GPC6: variants seen among roughly 807,000 people sequenced by gnomAD.
GPC6 encodes the protein glypican 6.
A neutral mutation model predicts 55.2 loss-of-function variants in GPC6; 14 were observed. That is an observed-to-expected ratio of 0.25 (90% confidence interval 0.17 to 0.40). GPC6 has a LOEUF of 0.40. Ranked by LOEUF, GPC6 falls within the 10% of genes least tolerant of loss-of-function variation. The pLI, the probability that GPC6 is intolerant of heterozygous loss-of-function variation, is 1.00. For missense variants in GPC6, 641 were observed against 708.5 expected (o/e 0.90, Z 1.08); for synonymous variants, 278 against 259.6 (o/e 1.07, Z -0.68).
intron 1 of GPC6, among the ~76,000 whole-genome samples, chr13:93,469,596 AATT>A (rs1181396490): frequency 2.0e-5 from 3 of 152,122 alleles, no homozygotes; most frequent in African/African-American, 7.2e-5. Context: ...CAATGAAAGA[AATT>A]ATGTTTGGAC....
chr13:93,534,398 G>T (rs1881975075), intron 1 of GPC6, among the ~76,000 whole-genome samples: 1 of 152,006 alleles, frequency 6.6e-6, no homozygotes, highest in African/African-American at 2.4e-5. Context: ...CTTCATTTCT[G>T]TTGTTTGTCT....
At chr13:93,393,630 TTCTC>T (rs386380249) in intron 1 of GPC6, among the ~76,000 whole-genome samples, 192 of 66,028 alleles carry the variant, frequency 2.9e-3, no homozygotes, top group African/African-American at 5.2e-3. Context: ...CTTAGACCTG[TTCTC>T]TCTCTCTCTC....
chr13:93,940,727 C>A (rs1878694207), intron 3 of GPC6, among the ~76,000 whole-genome samples: 1 of 151,968 alleles, frequency 6.6e-6, no homozygotes, highest in Non-Finnish European at 1.5e-5. Flanking sequence ...TATTGAGAGT[C>A]CGTTTTAACT....
At chr13:93,365,349 T>C (rs1423809548) in intron 1 of GPC6, among the ~76,000 whole-genome samples, 1 of 152,124 alleles carries the variant, frequency 6.6e-6, no homozygotes, top group Admixed American at 6.6e-5. Context: ...TGGTAGGTCC[T>C]GTATAAGATT....
In GPC6 at chr13:94,034,200, A is replaced by AGAAGGAAGGAAGGAAG. The variant is rs575821539; in HGVS notation, c.877+6342_877+6357dup. Among the ~76,000 whole-genome samples the AGAAGGAAGGAAGGAAG allele has an allele frequency of 1.7e-3, 126 of 72,720 alleles. 1 individual carries two copies. The highest frequency in any genetic ancestry group is 5.2e-3 in the South Asian group (10 of 1,918). 47.7% of individuals were successfully genotyped at this position (72,720 alleles called of 152,430 possible). The stretch of plus-strand genomic sequence containing the variant: ...ACTACTTGCTGAGAGAAAGAAAGAA[A>AGAAGGAAGGAAGGAAG]GAAGGAAGGAAGGAAGGAAGGAAGG... On this transcript the variant is annotated intron_variant, in intron 4 of 8. Coordinates refer to ENST00000377047, the MANE Select transcript of GPC6 (RefSeq NM_005708.5).
intron 2 of GPC6, among the ~76,000 whole-genome samples, chr13:93,801,715 T>G (rs1361896757): frequency 6.6e-6 from 1 of 152,206 alleles, no homozygotes; most frequent in African/African-American, 2.4e-5. Context: ...TATTGTTTCA[T>G]GTTGGTTTAT....
chr13:93,432,512 A>G (rs541748743), intron 1 of GPC6, among the ~76,000 whole-genome samples: 28 of 152,312 alleles, frequency 1.8e-4, no homozygotes, highest in African/African-American at 6.7e-4. Context: ...GTGTATAAAA[A>G]CAAAATACCT....
At chr13:94,281,895 C>A (rs1287243868) in intron 4 of GPC6, among the ~76,000 whole-genome samples, 1 of 152,200 alleles carries the variant, frequency 6.6e-6, no homozygotes, top group Admixed American at 6.5e-5. Context: ...CTGTTCCCTT[C>A]TGGACAACAC....
rs886050363 is a variant in GPC6, at chr13:94,406,933, A to T, written c.*3716A>T. On this transcript the variant is annotated 3_prime_UTR_variant, in exon 9 of 9. Transcript: ENST00000377047. Reference sequence around the variant, plus strand: ...GAACAGACCTGATTTTTATTTAAAAACACAATTTAGCTTTGCCAACAGAAG... The same window carrying T: ...GAACAGACCTGATTTTTATTTAAAATCACAATTTAGCTTTGCCAACAGAAG... 2 of 152,194 alleles carry T rather than the reference A, an allele frequency of 1.3e-5. No homozygotes were observed. Among genetic ancestry groups the T allele is most frequent in the African/African-American group, 4.8e-5 (2 of 41,470 alleles). 9.4% of individuals were successfully genotyped at this position (152,194 alleles called of 1,614,324 possible).
At chr13:93,504,179 T>C (rs918956729) in intron 1 of GPC6, among the ~76,000 whole-genome samples, 3 of 152,100 alleles carry the variant, frequency 2.0e-5, no homozygotes, top group Non-Finnish European at 4.4e-5. Flanking sequence ...TCGATAATCC[T>C]GTTAGATTAA....
At position 94,007,744 on chromosome 13, in the gene GPC6, A is replaced by C. The variant is rs1302634576; in HGVS notation, c.712-19985A>C. On this transcript the variant is annotated intron_variant, in intron 3 of 8. Coordinates refer to ENST00000377047, the MANE Select transcript of GPC6 (RefSeq NM_005708.5). ...GTTTGAGAAGCTGGACTTCTAGCCCATTGTGAGTACTGGCTCTTTACATTG... is the reference window on the plus strand; with the variant it reads ...GTTTGAGAAGCTGGACTTCTAGCCCCTTGTGAGTACTGGCTCTTTACATTG... 2.0e-5 allele frequency among the ~76,000 whole-genome samples: 3 copies of C among 152,116 alleles called. No homozygotes were observed. The South Asian group carries it at 6.2e-4, about 31-fold the overall frequency.
intron 6 of GPC6, among the ~76,000 whole-genome samples, chr13:94,306,465 A>G (rs4369513): frequency 0.42 from 63,812 of 152,092 alleles, 13,996 homozygotes; most frequent in African/African-American, 0.51. Flanking sequence ...CATCTGCTTC[A>G]GTTCTTTTCT....
rs560065122 is a variant in GPC6, at chr13:94,372,969, G to A, written c.1153-9445G>A. ...GCAGGAGCACACTGACACCTCACAC[G>A]GCAGGGTATTCCAACAGACCTGCAG... On this transcript the variant is annotated intron_variant, in intron 6 of 8. Coordinates refer to ENST00000377047, the MANE Select transcript of GPC6 (RefSeq NM_005708.5). 2.5e-3 allele frequency among the ~76,000 whole-genome samples: 373 copies of A among 152,146 alleles called. 1 individual carries two copies. The highest frequency in any genetic ancestry group is 3.8e-3 in the Non-Finnish European group (256 of 67,974).
intron 1 of GPC6, among the ~76,000 whole-genome samples, chr13:93,483,552 G>A (rs896258767): frequency 5.9e-5 from 9 of 151,704 alleles, no homozygotes; most frequent in Non-Finnish European, 1.3e-4. Context: ...ACTTCCAATC[G>A]ATTTGCAGGC....
At chr13:93,355,881 G>A (rs996441315) in intron 1 of GPC6, among the ~76,000 whole-genome samples, 1 of 152,124 alleles carries the variant, frequency 6.6e-6, no homozygotes, top group Non-Finnish European at 1.5e-5. Flanking sequence ...ATGGCAGGAT[G>A]TGAGAAATAG....
chr13:93,563,045 A>G (rs756885148), intron 2 of GPC6, among the ~76,000 whole-genome samples: 1 of 152,222 alleles, frequency 6.6e-6, no homozygotes, highest in Admixed American at 6.5e-5. Flanking sequence ...TCTTTCAGCA[A>G]TGGGATTCTC....
At position 93,802,469 on chromosome 13, in the gene GPC6, C is replaced by T. The variant is rs190375120; in HGVS notation, c.320-27685C>T. The stretch of plus-strand genomic sequence containing the variant: ...CAGAAGTACAGTGGCACAATCATAA[C>T]ACACTGCAACCTCAAATTCCTGAGC... On this transcript the variant is annotated intron_variant, in intron 2 of 8. Coordinates refer to ENST00000377047, the MANE Select transcript of GPC6 (RefSeq NM_005708.5). Among the ~76,000 whole-genome samples, 7 of 151,884 alleles carry T rather than the reference C, an allele frequency of 4.6e-5. No individual in the cohort carries two copies. The East Asian group carries it at 5.8e-4, about 13-fold the overall frequency.
chr13:94,378,953 G>T (rs1880027882), intron 6 of GPC6, among the ~76,000 whole-genome samples: 1 of 151,960 alleles, frequency 6.6e-6, no homozygotes, highest in Admixed American at 6.6e-5. Flanking sequence ...TGTTATTAAT[G>T]AATTAGGGCT....
intron 2 of GPC6, among the ~76,000 whole-genome samples, chr13:93,728,409 A>T (rs568283924): frequency 2.8e-4 from 42 of 149,966 alleles, no homozygotes; most frequent in Admixed American, 1.0e-3. Flanking sequence ...ATATATATAT[A>T]TTTTTATTTT....
Sources: allele counts gnomAD v4.1 joint callset (sites outside exome capture counted in the v4.1 genomes callset), GRCh38; gene constraint gnomAD v4.1.1; transcripts MANE v1.5; gene names NCBI Gene and HGNC (gene_info 2026-07-23, HGNC 2026-07-21).